GALNT13: variants seen among roughly 807,000 people sequenced by gnomAD.
GALNT13 encodes the protein polypeptide N-acetylgalactosaminyltransferase 13, also known as UDP-GalNAc:polypeptide N-acetylgalactosaminyltransferase 13.
In GALNT13, 28 loss-of-function variants were observed where a neutral mutation model predicts 64.2. The observed-to-expected ratio is 0.44, with a 90% CI of 0.32 to 0.60. The LOEUF is 0.60. Among genes scored for constraint, GALNT13 ranks in the 20% least tolerant of loss-of-function variants. GALNT13 has a pLI of 0.05. For synonymous variants in GALNT13, 214 were observed against 224.6 expected, an observed-to-expected ratio of 0.95 and a Z score of 0.42; for missense variants, 577 against 669.8, an observed-to-expected ratio of 0.86 and a Z score of 1.53.
the GALNT13 span, among the ~76,000 whole-genome samples, chr2:153,699,562 GA>G: frequency 1.3e-5 from 2 of 151,214 alleles, no homozygotes; most frequent in African/African-American, 2.4e-5. Flanking sequence ...CTAGATTTTT[GA>G]AAAAAAATTA....
At chr2:153,382,976 T>C in the GALNT13 span, among the ~76,000 whole-genome samples, 1 of 152,052 alleles carries the variant, frequency 6.6e-6, no homozygotes, top group Non-Finnish European at 1.5e-5. Flanking sequence ...TTTTGAAAGC[T>C]CTAAACAATA....
At chr2:153,349,685 C>A in the GALNT13 span, among the ~76,000 whole-genome samples, 6 of 152,064 alleles carry the variant, frequency 3.9e-5, no homozygotes, top group Admixed American at 2.6e-4. Flanking sequence ...TAATCCAACT[C>A]CTAGGAAAAG....
chr2:153,193,919 T>C, the GALNT13 span, among the ~76,000 whole-genome samples: 2 of 152,184 alleles, frequency 1.3e-5, no homozygotes, highest in African/African-American at 4.8e-5. Context: ...GAATATATTA[T>C]GCCATTTTTT....
the GALNT13 span, among the ~76,000 whole-genome samples, chr2:153,272,879 A>G: frequency 5.9e-3 from 894 of 152,340 alleles, 8 homozygotes; most frequent in African/African-American, 0.02. Context: ...ATGCCCATCA[A>G]TGATAGACTG....
the GALNT13 span, among the ~76,000 whole-genome samples, chr2:153,160,734 C>T: frequency 6.6e-6 from 1 of 152,082 alleles, no homozygotes; most frequent in African/African-American, 2.4e-5. Flanking sequence ...TCAGAATCTC[C>T]CCCCACTCAA....
chr2:153,300,304 G>A, the GALNT13 span, among the ~76,000 whole-genome samples: 2 of 152,144 alleles, frequency 1.3e-5, no homozygotes, highest in Non-Finnish European at 2.9e-5. Context: ...TCCTTTAGAG[G>A]GAGTGTTTTT....
At position 154,264,976 on chromosome 2, in the gene GALNT13, A is replaced by AT. The variant is rs1553505328; in HGVS notation, c.975+5838_975+5839insT. ...ATATATGATACCTATATGATAAAAA[A>AT]AAATATATATATATGGAAAAGCAAT... On this transcript the variant is annotated intron_variant, in intron 8 of 12. Coordinates refer to ENST00000392825, the MANE Select transcript of GALNT13 (RefSeq NM_052917.4). Among the ~76,000 whole-genome samples the AT allele has an allele frequency of 3.0e-4, 42 of 141,012 alleles. No individual in the cohort carries two copies. In the East Asian group the frequency reaches 3.3e-3, roughly 11 times the overall value. The allele number at this position is 141,012 out of a possible 152,430, so 92.5% of individuals were successfully genotyped here. A position where few individuals can be genotyped will look rare whatever the true frequency, so the allele number is the denominator to read the frequency against.
At chr2:154,258,906 T>C (rs528080023) in intron 7 of GALNT13, 115 bp from the exon 8 acceptor site, 1 of 598,018 alleles carries the variant, frequency 1.7e-6, no homozygotes, top group East Asian at 3.0e-5. Flanking sequence ...TTTGTGTTTT[T>C]AGTTTGAGAT....
At chr2:154,435,193 G>C (rs1164437824) in intron 11 of GALNT13, among the ~76,000 whole-genome samples, 1 of 152,204 alleles carries the variant, frequency 6.6e-6, no homozygotes, top group African/African-American at 2.4e-5. Flanking sequence ...CAATTTGAGA[G>C]ATAATTAGAA....
At chr2:153,176,995 G>A in the GALNT13 span, among the ~76,000 whole-genome samples, 1 of 152,056 alleles carries the variant, frequency 6.6e-6, no homozygotes, top group African/African-American at 2.4e-5. Flanking sequence ...TATAAGAATT[G>A]CACAGGAAGT....
the GALNT13 span, among the ~76,000 whole-genome samples, chr2:153,611,863 C>A: frequency 0.13 from 19,329 of 151,250 alleles, 1,656 homozygotes; most frequent in Middle Eastern, 0.21. Flanking sequence ...CCTTGTCCCC[C>A]ACCCCCCAAC....
intron 3 of GALNT13, among the ~76,000 whole-genome samples, chr2:154,116,588 G>A (rs539683724): frequency 4.6e-5 from 7 of 152,232 alleles, no homozygotes; most frequent in Admixed American, 3.3e-4. Flanking sequence ...TCTACATACA[G>A]TCAAAGATAT....
At chr2:153,298,186 T>C in the GALNT13 span, among the ~76,000 whole-genome samples, 5 of 152,294 alleles carry the variant, frequency 3.3e-5, no homozygotes, top group African/African-American at 1.2e-4. Context: ...ATTTGATTAC[T>C]TTTTTACTTC....
intron 5 of GALNT13, 31 bp from the exon 6 acceptor site, chr2:154,242,667 T>C: frequency 2.0e-6 from 3 of 1,485,820 alleles, no homozygotes; most frequent in Non-Finnish European, 2.8e-6. Flanking sequence ...GTTTCAAAAA[T>C]TTTTCTTATA....
the GALNT13 span, among the ~76,000 whole-genome samples, chr2:153,752,528 T>A: frequency 6.6e-6 from 1 of 152,146 alleles, no homozygotes; most frequent in African/African-American, 2.4e-5. Context: ...GGGTAAAAGC[T>A]TCTTTTGTCC....
intron 4 of GALNT13, among the ~76,000 whole-genome samples, chr2:154,184,998 A>G (rs1183760081): frequency 6.6e-6 from 1 of 152,020 alleles, no homozygotes; most frequent in Non-Finnish European, 1.5e-5. Context: ...GTATCTTTTC[A>G]TTTTAACTAG....
the GALNT13 span, among the ~76,000 whole-genome samples, chr2:153,530,224 T>C: frequency 6.6e-6 from 1 of 152,006 alleles, no homozygotes; most frequent in Admixed American, 6.6e-5. Context: ...GTAGCATTTT[T>C]ATATGCCAAC....
chr2:154,402,813 C>A (rs2105376616), intron 10 of GALNT13, among the ~76,000 whole-genome samples: 1 of 152,266 alleles, frequency 6.6e-6, no homozygotes, highest in South Asian at 2.1e-4. Context: ...TTCCCTTGAA[C>A]AACATTCTTT....
intron 9 of GALNT13, among the ~76,000 whole-genome samples, chr2:154,331,976 C>T (rs2105196072): frequency 6.6e-6 from 1 of 152,168 alleles, no homozygotes; most frequent in South Asian, 2.1e-4. Context: ...ATTTGAATAG[C>T]AATGTGCTGT....
Sources: gnomAD v4.1 joint callset for allele counts (sites outside exome capture counted in the v4.1 genomes callset) on GRCh38, gnomAD v4.1.1 for gene constraint, MANE v1.5 for transcripts, NCBI Gene and HGNC (gene_info 2026-07-23, HGNC 2026-07-21) for gene names.